NXPE2: variants seen among roughly 807,000 people sequenced by gnomAD.
The protein encoded by NXPE2 is NXPE family member 2.
Under a neutral mutation model 34.4 loss-of-function variants are expected in NXPE2, and 34 were observed. The observed-to-expected ratio is 0.99, with a 90% CI of 0.75 to 1.31. NXPE2 has a LOEUF of 1.31. Among genes scored for constraint, NXPE2 ranks in the 40% most tolerant of loss-of-function variants. The pLI is 0.00. For synonymous variants in NXPE2, 235 were observed against 231.3 expected (o/e 1.02, Z -0.15); for missense variants, 649 against 672.5 (o/e 0.97, Z 0.39).
chr11:114,554,394 C>T, the NXPE2 span: 1 of 984,956 alleles, frequency 1.0e-6, no homozygotes, highest in African/African-American at 1.7e-5. Flanking sequence ...GAGGTGATGA[C>T]AATATTCCAG....
At chr11:114,764,775 A>G in the NXPE2 span, among the ~76,000 whole-genome samples, 1 of 152,154 alleles carries the variant, frequency 6.6e-6, no homozygotes, top group Non-Finnish European at 1.5e-5. Context: ...CAATCTGAAA[A>G]TATCAGTAAC....
chr11:114,612,559 G>C, the NXPE2 span, among the ~76,000 whole-genome samples: 1 of 151,504 alleles, frequency 6.6e-6, no homozygotes, highest in Non-Finnish European at 1.5e-5. Context: ...TTGCCTCATG[G>C]GTAACCACTG....
intron 2 of NXPE2, among the ~76,000 whole-genome samples, chr11:114,690,138 T>C (rs1951123905): frequency 6.6e-6 from 1 of 152,202 alleles, no homozygotes; most frequent in African/African-American, 2.4e-5. Context: ...CACAGTGTTG[T>C]TGGCTAGTTG....
At chr11:114,703,876 C>T in intron 3 of NXPE2, 115 bp from the exon 4 acceptor site, 2 of 744,226 alleles carry the variant, frequency 2.7e-6, no homozygotes, top group Non-Finnish European at 2.3e-6. Context: ...TTAAATATAT[C>T]AAAATAAGGG....
the NXPE2 span, among the ~76,000 whole-genome samples, chr11:114,580,525 A>C: frequency 6.6e-6 from 1 of 152,144 alleles, no homozygotes; most frequent in African/African-American, 2.4e-5. Context: ...CTCTGATGTG[A>C]ATTTCCTAAA....
At chr11:114,784,543 C>T in the NXPE2 span, among the ~76,000 whole-genome samples, 1 of 152,136 alleles carries the variant, frequency 6.6e-6, no homozygotes, top group African/African-American at 2.4e-5. Context: ...TTTCGCGTCT[C>T]ACTCACAAAG....
the NXPE2 span, among the ~76,000 whole-genome samples, chr11:114,477,683 T>C: frequency 6.6e-6 from 1 of 152,008 alleles, no homozygotes; most frequent in Non-Finnish European, 1.5e-5. Context: ...TCAAATACTA[T>C]GCTGAGTGAA....
the NXPE2 span, among the ~76,000 whole-genome samples, chr11:114,755,395 C>T: frequency 2.0e-5 from 3 of 152,136 alleles, no homozygotes; most frequent in Non-Finnish European, 4.4e-5. Context: ...TATCCTGATT[C>T]ATTTCTGGAT....
At chr11:114,717,959 T>C in the NXPE2 span, among the ~76,000 whole-genome samples, 1 of 152,224 alleles carries the variant, frequency 6.6e-6, no homozygotes, top group East Asian at 1.9e-4. Context: ...GTCCTGAGCA[T>C]GTCTATCACG....
At chr11:114,504,467 C>T in the NXPE2 span, among the ~76,000 whole-genome samples, 24,870 of 152,094 alleles carry the variant, frequency 0.16, 2,183 homozygotes, top group South Asian at 0.23. Context: ...CTGTGGTGAA[C>T]GCCCACCAGG....
At chr11:114,779,418 C>T in the NXPE2 span, among the ~76,000 whole-genome samples, 1 of 150,486 alleles carries the variant, frequency 6.6e-6, no homozygotes. Flanking sequence ...ACTGGGGTGG[C>T]TGGATGGTGG....
the NXPE2 span, among the ~76,000 whole-genome samples, chr11:114,627,119 C>T: frequency 6.6e-6 from 1 of 152,018 alleles, no homozygotes; most frequent in Non-Finnish European, 1.5e-5. Flanking sequence ...AGGAGAACTT[C>T]CCCAATCTAG....
At chr11:114,782,686 C>T in the NXPE2 span, among the ~76,000 whole-genome samples, 1 of 152,150 alleles carries the variant, frequency 6.6e-6, no homozygotes, top group Non-Finnish European at 1.5e-5. Flanking sequence ...GGATAAGTCA[C>T]GTGTATTTTC....
chr11:114,813,152 C>T, the NXPE2 span, among the ~76,000 whole-genome samples: 1 of 152,222 alleles, frequency 6.6e-6, no homozygotes, highest in African/African-American at 2.4e-5. Context: ...GGAAGACTAA[C>T]TTCACTAGAC....
the NXPE2 span, among the ~76,000 whole-genome samples, chr11:114,800,566 A>C: frequency 6.6e-6 from 1 of 152,220 alleles, no homozygotes; most frequent in Non-Finnish European, 1.5e-5. Flanking sequence ...CCTCGTACCT[A>C]GTAAGAAGTA....
At chr11:114,560,657 G>A in the NXPE2 span, among the ~76,000 whole-genome samples, 5 of 152,202 alleles carry the variant, frequency 3.3e-5, no homozygotes, top group East Asian at 1.9e-4. Context: ...TCATTAACTC[G>A]TCATTATCAT....
the NXPE2 span, among the ~76,000 whole-genome samples, chr11:114,650,287 A>G: frequency 1.8e-4 from 27 of 152,322 alleles, no homozygotes; most frequent in African/African-American, 5.1e-4. Context: ...AATAAAAATG[A>G]ATTGTTAAAC....
chr11:114,793,597 G>A, the NXPE2 span, among the ~76,000 whole-genome samples: 1 of 152,238 alleles, frequency 6.6e-6, no homozygotes, highest in Non-Finnish European at 1.5e-5. Context: ...TTTGGGAAGA[G>A]CAGAGCAGAG....
chr11:114,617,142 G>A, the NXPE2 span, among the ~76,000 whole-genome samples: 2 of 151,916 alleles, frequency 1.3e-5, no homozygotes, highest in East Asian at 1.9e-4. Flanking sequence ...TGGATAATAA[G>A]TGACGTTTTG....
Sources: gnomAD v4.1 joint callset for allele counts (sites outside exome capture counted in the v4.1 genomes callset) on GRCh38, gnomAD v4.1.1 for gene constraint, MANE v1.5 for transcripts, NCBI Gene and HGNC (gene_info 2026-07-23, HGNC 2026-07-21) for gene names.